The following CASK variants were observed in gnomAD, a reference collection of about 807,000 sequenced individuals.
The protein encoded by CASK is calcium/calmodulin dependent serine protein kinase.
In CASK, 4 loss-of-function variants were observed where a neutral mutation model predicts 82.9. The observed-to-expected ratio is 0.05, with a 90% CI of 0.02 to 0.11. CASK has a LOEUF of 0.11. Among genes scored for constraint, CASK ranks in the 10% least tolerant of loss-of-function variants. The probability of loss-of-function intolerance (pLI) is 1.00; values close to 1 mark genes in which losing one functional copy is unlikely to be tolerated. For synonymous variants in CASK, 259 were observed against 253.5 expected (o/e 1.02, Z -0.20); for missense variants, 358 against 720.9 (o/e 0.50, Z 5.76).
At chrX:41,918,235 C>T (rs1322834539) in intron 1 of CASK, among the ~76,000 whole-genome samples, 1 of 112,198 alleles carries the variant, frequency 8.9e-6, no homozygotes, top group African/African-American at 3.2e-5. Flanking sequence ...TGAATCAATA[C>T]ATGTGAAAGT....
At chrX:41,840,213 A>C (rs1227433563) in intron 2 of CASK, among the ~76,000 whole-genome samples, 1 of 111,566 alleles carries the variant, frequency 9.0e-6, no homozygotes, top group African/African-American at 3.3e-5. Context: ...TTATCCACAA[A>C]CGTGGAGTAT....
intron 8 of CASK, among the ~76,000 whole-genome samples, chrX:41,647,344 A>G (rs1472677728): frequency 1.8e-5 from 2 of 112,393 alleles, no homozygotes; most frequent in Non-Finnish European, 3.8e-5. Flanking sequence ...ATCATTAGAC[A>G]TAATTAAAGA....
intron 5 of CASK, chrX:41,676,178 A>T: frequency 1.7e-6 from 2 of 1,157,279 alleles, no homozygotes; most frequent in Non-Finnish European, 1.2e-6. Flanking sequence ...AGCACTGGGG[A>T]TCAAGAACTT....
chrX:41,550,556 AT>A (rs957362812), intron 21 of CASK, among the ~76,000 whole-genome samples: 1 of 109,735 alleles, frequency 9.1e-6, no homozygotes, highest in African/African-American at 3.3e-5. Flanking sequence ...TGTCATTAAC[AT>A]TTTTTTTCTG....
intron 5 of CASK, among the ~76,000 whole-genome samples, chrX:41,708,667 C>T (rs2067923291): frequency 8.9e-6 from 1 of 111,936 alleles, no homozygotes; most frequent in Non-Finnish European, 1.9e-5. Context: ...TCAAAAAATC[C>T]CCAAACTTTT....
rs149324268 is a variant in CASK, at chrX:41,569,363, T to A, written c.1582+305A>T. On this transcript the variant is annotated intron_variant, in intron 16 of 26. Coordinates refer to ENST00000378163, the MANE Select transcript of CASK (RefSeq NM_001367721.1). Reference sequence around the variant, plus strand: ...GAACTCTAATATATTCTCCCTTCATTATCTACATGCTGGAGCCTGTGCAGA... The same window carrying A: ...GAACTCTAATATATTCTCCCTTCATAATCTACATGCTGGAGCCTGTGCAGA... Among the ~76,000 whole-genome samples, 338 of 111,833 alleles carry A rather than the reference T, an allele frequency of 3.0e-3. 1 individual carries two copies. The highest frequency in any genetic ancestry group is 0.01 in the African/African-American group (321 of 30,784).
intron 12 of CASK, among the ~76,000 whole-genome samples, chrX:41,592,243 C>CA (rs1319571670): frequency 9.3e-6 from 1 of 107,811 alleles, no homozygotes; most frequent in Non-Finnish European, 1.9e-5. Context: ...AAAAAAATCT[C>CA]AAACCTGTTT....
At chrX:41,700,348 A>G in intron 5 of CASK, among the ~76,000 whole-genome samples, 1 of 111,835 alleles carries the variant, frequency 8.9e-6, no homozygotes, top group South Asian at 3.7e-4. Flanking sequence ...AGCAATATGA[A>G]GAGAGTTCTC....
intron 2 of CASK, among the ~76,000 whole-genome samples, chrX:41,830,807 G>A (rs1263877738): frequency 1.1e-4 from 9 of 85,243 alleles, no homozygotes; most frequent in East Asian, 7.2e-4. Flanking sequence ...GCGACAGAGC[G>A]AGACTCTGCC....
intron 2 of CASK, among the ~76,000 whole-genome samples, chrX:41,847,231 T>G (rs942404789): frequency 8.9e-6 from 1 of 111,793 alleles, no homozygotes; most frequent in Non-Finnish European, 1.9e-5. Context: ...GAAATTCTCA[T>G]TATGCATATG....
chrX:41,822,696 T>G (rs751923967), intron 2 of CASK, among the ~76,000 whole-genome samples: 8 of 110,617 alleles, frequency 7.2e-5, no homozygotes, highest in Non-Finnish European at 1.1e-4. Flanking sequence ...TGAAATTAAC[T>G]TCCTTTTCTT....
At chrX:41,667,187 C>T (rs981136353) in intron 6 of CASK, among the ~76,000 whole-genome samples, 3 of 111,885 alleles carry the variant, frequency 2.7e-5, no homozygotes, top group Non-Finnish European at 3.8e-5. Flanking sequence ...AGTGTTCAAT[C>T]TTCGGGAAGA....
chrX:41,837,200 G>A (rs941148901), intron 2 of CASK, among the ~76,000 whole-genome samples: 4 of 111,963 alleles, frequency 3.6e-5, no homozygotes, highest in African/African-American at 1.3e-4. Context: ...TGCAAAAGTA[G>A]TACAGAGATT....
intron 4 of CASK, among the ~76,000 whole-genome samples, chrX:41,742,784 C>T (rs2068616110): frequency 8.9e-6 from 1 of 111,776 alleles, no homozygotes; most frequent in Non-Finnish European, 1.9e-5. Flanking sequence ...GTCATTGATC[C>T]TCTGCAATAG....
At chrX:41,762,728 C>T (rs1246652030) in intron 3 of CASK, among the ~76,000 whole-genome samples, 1 of 111,667 alleles carries the variant, frequency 9.0e-6, no homozygotes, top group Non-Finnish European at 1.9e-5. Flanking sequence ...TATTTGTACA[C>T]ATCCAAGCTA....
rs1334995708 is a variant in CASK at position 41,915,795 on chromosome X, C to G, written c.59+7135G>C. ...ACGAGGTCAGGAGATCAAGACCATC[C>G]TGGCTTACATGGTGAAACCCCATCT... On this transcript the variant is annotated intron_variant, in intron 1 of 26. Coordinates refer to ENST00000378163, the MANE Select transcript of CASK (RefSeq NM_001367721.1). 2.8e-5 allele frequency among the ~76,000 whole-genome samples: 3 copies of G among 108,711 alleles called. No homozygotes were observed. The South Asian group carries it at 1.2e-3, about 43-fold the overall frequency. 94.4% of individuals were successfully genotyped at this position (108,711 alleles called of 115,157 possible).
intron 6 of CASK, among the ~76,000 whole-genome samples, chrX:41,669,174 A>C (rs952091424): frequency 8.9e-6 from 1 of 112,194 alleles, no homozygotes; most frequent in Admixed American, 9.5e-5. Flanking sequence ...AAGAAATGAC[A>C]ATATTTTGAC....
At chrX:41,751,094 T>C in intron 3 of CASK, among the ~76,000 whole-genome samples, 1 of 111,974 alleles carries the variant, frequency 8.9e-6, no homozygotes, top group Non-Finnish European at 1.9e-5. Context: ...ATTTATTTTT[T>C]AAATGGAGAC....
chrX:41,920,644 A>T (rs919202221), intron 1 of CASK, among the ~76,000 whole-genome samples: 2 of 111,232 alleles, frequency 1.8e-5, no homozygotes, highest in South Asian at 3.8e-4. Flanking sequence ...GAAAAGATGA[A>T]TTTTTTTCTC....
Sources: gnomAD v4.1 joint callset for allele counts (sites outside exome capture counted in the v4.1 genomes callset) on GRCh38, gnomAD v4.1.1 for gene constraint, MANE v1.5 for transcripts, NCBI Gene and HGNC (gene_info 2026-07-23, HGNC 2026-07-21) for gene names.